OR6N1: variants seen among roughly 807,000 people sequenced by gnomAD.
The protein encoded by OR6N1 is olfactory receptor 6N1.
For synonymous variants in OR6N1, 170 were observed against 150.7 expected, an observed-to-expected ratio of 1.13 and a Z score of -0.94; for missense variants, 394 against 371.7, an observed-to-expected ratio of 1.06 and a Z score of -0.49.
the OR6N1 span, among the ~76,000 whole-genome samples, chr1:158,812,750 A>G: frequency 6.6e-6 from 1 of 152,220 alleles, no homozygotes; most frequent in African/African-American, 2.4e-5. Flanking sequence ...TATGTGTAAT[A>G]CTATTTTCCA....
chr1:158,787,706 G>A, the OR6N1 span, among the ~76,000 whole-genome samples: 1 of 149,004 alleles, frequency 6.7e-6, no homozygotes, highest in African/African-American at 2.5e-5. Flanking sequence ...ATTTTGAATA[G>A]TATTTCTCCA....
the OR6N1 span, among the ~76,000 whole-genome samples, chr1:158,779,200 G>C: frequency 6.6e-6 from 1 of 152,086 alleles, no homozygotes; most frequent in Non-Finnish European, 1.5e-5. Flanking sequence ...ATGTGTAACA[G>C]ATGCAAAAAG....
chr1:158,800,944 G>A, the OR6N1 span, among the ~76,000 whole-genome samples: 1 of 151,776 alleles, frequency 6.6e-6, no homozygotes. Context: ...AGTAGCAACT[G>A]GGTGCCCAGT....
chr1:158,837,049 T>TA, the OR6N1 span, among the ~76,000 whole-genome samples: 4 of 151,816 alleles, frequency 2.6e-5, no homozygotes, highest in Non-Finnish European at 5.9e-5. Flanking sequence ...TCCATTATGA[T>TA]AAAAAAATAT....
At chr1:158,804,114 G>A in the OR6N1 span, among the ~76,000 whole-genome samples, 8 of 152,178 alleles carry the variant, frequency 5.3e-5, no homozygotes, top group Non-Finnish European at 1.0e-4. Flanking sequence ...CAATTAAGAG[G>A]GAGATAGGAA....
intron 1 of OR6N1, among the ~76,000 whole-genome samples, chr1:158,770,949 C>T (rs1657411279): frequency 6.6e-6 from 1 of 152,192 alleles, no homozygotes; most frequent in South Asian, 2.1e-4. Context: ...CTTTGTTTTG[C>T]TCTGTGAAAC....
the OR6N1 span, among the ~76,000 whole-genome samples, chr1:158,830,583 C>T: frequency 2.8e-4 from 42 of 152,170 alleles, no homozygotes; most frequent in East Asian, 7.7e-3. Context: ...TGTAGTGCAC[C>T]CACTGTTCTT....
chr1:158,815,589 A>C, the OR6N1 span, among the ~76,000 whole-genome samples: 220 of 152,324 alleles, frequency 1.4e-3, 1 homozygote, highest in African/African-American at 5.0e-3. Flanking sequence ...GATTTGGAGC[A>C]CTGCCAATTC....
the OR6N1 span, among the ~76,000 whole-genome samples, chr1:158,833,252 G>A: frequency 4.3e-3 from 661 of 152,226 alleles, 3 homozygotes; most frequent in African/African-American, 0.015. Flanking sequence ...TCTTCACAAA[G>A]AGCTGTGGGT....
At chr1:158,807,501 G>A in the OR6N1 span, among the ~76,000 whole-genome samples, 68 of 152,312 alleles carry the variant, frequency 4.5e-4, no homozygotes, top group African/African-American at 1.6e-3. Flanking sequence ...CTCAGCAGAG[G>A]AAGCAATAGA....
At chr1:158,824,517 G>T in the OR6N1 span, among the ~76,000 whole-genome samples, 68 of 152,242 alleles carry the variant, frequency 4.5e-4, no homozygotes, top group South Asian at 0.014. Context: ...GTGCCATGTG[G>T]TGATGAAAAG....
At chr1:158,833,916 G>A in the OR6N1 span, among the ~76,000 whole-genome samples, 1 of 152,102 alleles carries the variant, frequency 6.6e-6, no homozygotes, top group African/African-American at 2.4e-5. Context: ...AATTTTAAGA[G>A]TAAGAATCAT....
At chr1:158,779,668 A>T in the OR6N1 span, among the ~76,000 whole-genome samples, 221 of 152,340 alleles carry the variant, frequency 1.5e-3, 1 homozygote, top group African/African-American at 5.2e-3. Flanking sequence ...TACAGGAGAC[A>T]GATATGTTAA....
the OR6N1 span, among the ~76,000 whole-genome samples, chr1:158,779,018 C>CAAAAAAAAAA: frequency 2.9e-3 from 248 of 86,334 alleles, 10 homozygotes; most frequent in African/African-American, 6.4e-3. Context: ...GACTGCGTCT[C>CAAAAAAAAAA]AAAAAAAAAA....
the OR6N1 span, among the ~76,000 whole-genome samples, chr1:158,830,237 A>G: frequency 6.6e-6 from 1 of 152,200 alleles, no homozygotes; most frequent in Non-Finnish European, 1.5e-5. Context: ...ACCTGCTCGA[A>G]GCATCAGCAT....
chr1:158,813,749 C>A, the OR6N1 span, among the ~76,000 whole-genome samples: 1 of 128,712 alleles, frequency 7.8e-6, no homozygotes, highest in Non-Finnish European at 1.5e-5. Context: ...GTCTCCCAGG[C>A]TGGAATGCAA....
At chr1:158,768,336 T>C (rs1289486686) in intron 1 of OR6N1, among the ~76,000 whole-genome samples, 6 of 152,200 alleles carry the variant, frequency 3.9e-5, no homozygotes, top group Non-Finnish European at 8.8e-5. Context: ...CGAAGAGCCA[T>C]CTCAAACTGA....
chr1:158,786,459 TA>T, the OR6N1 span, among the ~76,000 whole-genome samples: 1 of 152,186 alleles, frequency 6.6e-6, no homozygotes, highest in Non-Finnish European at 1.5e-5. Flanking sequence ...GAATTAAAAG[TA>T]GAATTACCAT....
chr1:158,785,913 G>A, the OR6N1 span, among the ~76,000 whole-genome samples: 4 of 151,940 alleles, frequency 2.6e-5, no homozygotes, highest in South Asian at 2.1e-4. Flanking sequence ...TCAAGCCCTC[G>A]TCTTAATCTC....
Sources: gnomAD v4.1 joint callset for allele counts (sites outside exome capture counted in the v4.1 genomes callset) on GRCh38, gnomAD v4.1.1 for gene constraint, MANE v1.5 for transcripts, NCBI Gene and HGNC (gene_info 2026-07-23, HGNC 2026-07-21) for gene names.